GSG1L: variants seen among roughly 807,000 people sequenced by gnomAD.
GSG1L encodes the protein germ cell-specific gene 1-like protein.
GSG1L carries 24 observed loss-of-function variants against 42.1 expected under a neutral mutation model. That is an observed-to-expected ratio of 0.57 (90% CI 0.41 to 0.80). The LOEUF (loss-of-function observed/expected upper bound fraction) is 0.80. Among genes scored for constraint, GSG1L ranks in the 30% least tolerant of loss-of-function variants. The probability of loss-of-function intolerance (pLI) is 0.00; values close to 1 mark genes in which losing one functional copy is unlikely to be tolerated. For synonymous variants in GSG1L, 215 were observed against 203.5 expected (o/e 1.06, Z -0.48); for missense variants, 445 against 472.2 (o/e 0.94, Z 0.53).
chr16:27,879,481 G>GTC (rs2083925928), intron 3 of GSG1L, among the ~76,000 whole-genome samples: 1 of 152,174 alleles, frequency 6.6e-6, no homozygotes, highest in African/African-American at 2.4e-5. Flanking sequence ...TGGGCATGAT[G>GTC]TCACACACCT....
At chr16:27,829,055 CT>C in intron 4 of GSG1L, 99 bp from the exon 5 acceptor site, 4 of 1,174,952 alleles carry the variant, frequency 3.4e-6, no homozygotes, top group Admixed American at 2.2e-5. Flanking sequence ...GCATGGCTGC[CT>C]TTTCCTCTGG....
At chr16:27,950,159 T>A (rs992138179) in intron 2 of GSG1L, among the ~76,000 whole-genome samples, 1 of 152,208 alleles carries the variant, frequency 6.6e-6, no homozygotes, top group Non-Finnish European at 1.5e-5. Context: ...AGTTATATTA[T>A]CATTTCTCAT....
intron 6 of GSG1L, among the ~76,000 whole-genome samples, chr16:27,801,868 G>A (rs977556772): frequency 2.0e-5 from 3 of 152,172 alleles, no homozygotes; most frequent in African/African-American, 7.2e-5. Flanking sequence ...AAATGGGTCC[G>A]TATTTAGGGT....
intron 6 of GSG1L, among the ~76,000 whole-genome samples, chr16:27,803,561 C>A (rs1267663534): frequency 6.6e-6 from 1 of 151,956 alleles, no homozygotes; most frequent in African/African-American, 2.4e-5. Flanking sequence ...TCCAGGGAAA[C>A]ACAAACCAAG....
In GSG1L at chr16:27,789,806, G is replaced by A. The variant is rs2082732507; in HGVS notation, c.*1564C>T. The A allele has an allele frequency of 6.7e-6, 1 of 148,820 alleles. No homozygotes were observed. Among genetic ancestry groups the A allele is most frequent in the Admixed American group, 6.9e-5 (1 of 14,550 alleles). 9.2% of individuals were successfully genotyped at this position (148,820 alleles called of 1,614,324 possible). On this transcript the variant is annotated 3_prime_UTR_variant, in exon 7 of 7. Coordinates refer to ENST00000447459, the MANE Select transcript of GSG1L (RefSeq NM_001109763.2). ...TGAATGGATAGATAATGGATGGACAGATGATGGATGGATGGATGGGTGGAT... is the reference window on the plus strand; with the variant it reads ...TGAATGGATAGATAATGGATGGACAAATGATGGATGGATGGATGGGTGGAT...
At chr16:28,038,136 G>A (rs752348888) in intron 1 of GSG1L, among the ~76,000 whole-genome samples, 7 of 152,142 alleles carry the variant, frequency 4.6e-5, no homozygotes, top group Non-Finnish European at 7.4e-5. Flanking sequence ...GATAAATTTT[G>A]TTTTGTTGTT....
intron 2 of GSG1L, among the ~76,000 whole-genome samples, chr16:27,944,344 G>T (rs1253549109): frequency 6.6e-6 from 1 of 152,070 alleles, no homozygotes; most frequent in Non-Finnish European, 1.5e-5. Flanking sequence ...GGAATGGGCC[G>T]GGTGTGGTGG....
At chr16:27,868,035 G>A (rs2083754317) in intron 3 of GSG1L, among the ~76,000 whole-genome samples, 2 of 152,198 alleles carry the variant, frequency 1.3e-5, no homozygotes, top group South Asian at 2.1e-4. Flanking sequence ...AATTTTTATT[G>A]AACTTATTAA....
At chr16:27,961,391 A>ACATCCCAGAGGGCTGCACATCCCAGAGGG (rs1567536061) in intron 2 of GSG1L, among the ~76,000 whole-genome samples, 1 of 151,980 alleles carries the variant, frequency 6.6e-6, no homozygotes, top group African/African-American at 2.4e-5. Context: ...ATCCCAGAGG[A>ACATCCCAGAGGGCTGCACATCCCAGAGGG]CTGCACATCC....
At chr16:27,967,739 C>T (rs2085150932) in intron 1 of GSG1L, among the ~76,000 whole-genome samples, 1 of 152,106 alleles carries the variant, frequency 6.6e-6, no homozygotes, top group Non-Finnish European at 1.5e-5. Context: ...ACGGAGAAAC[C>T]CCATCTCTGA....
At chr16:27,915,204 C>A (rs973211313) in intron 2 of GSG1L, among the ~76,000 whole-genome samples, 3 of 136,100 alleles carry the variant, frequency 2.2e-5, no homozygotes, top group Admixed American at 7.1e-5. Flanking sequence ...TGTACACACA[C>A]ACACACACAC....
At chr16:27,933,148 G>T (rs1207647417) in intron 2 of GSG1L, among the ~76,000 whole-genome samples, 2 of 152,094 alleles carry the variant, frequency 1.3e-5, no homozygotes, top group Admixed American at 1.3e-4. Context: ...ATGGTTGCCA[G>T]TATGGAAGGG....
intron 6 of GSG1L, among the ~76,000 whole-genome samples, chr16:27,796,734 G>T (rs1262132394): frequency 1.3e-5 from 2 of 152,192 alleles, no homozygotes; most frequent in East Asian, 3.8e-4. Flanking sequence ...CATCCTCAGG[G>T]ATTCCACGTT....
chr16:27,886,951 CT>C lies in GSG1L; in HGVS notation c.398-2314del, dbSNP rs569919383. 4.3e-4 allele frequency among the ~76,000 whole-genome samples: 64 copies of C among 149,262 alleles called. No homozygotes were observed. The South Asian group carries it at 8.6e-3, about 20-fold the overall frequency. Reference sequence around the variant, plus strand: ...GTCTCTTTTCTTTCTCTCTTTCTTTCTTTTTTTTTTCTTTTTCTTTCTTAGA... The same window carrying C: ...GTCTCTTTTCTTTCTCTCTTTCTTTCTTTTTTTTTCTTTTTCTTTCTTAGA... On this transcript the variant is annotated intron_variant, in intron 2 of 6. Coordinates refer to ENST00000447459, the MANE Select transcript of GSG1L (RefSeq NM_001109763.2).
intron 3 of GSG1L, among the ~76,000 whole-genome samples, chr16:27,877,602 T>C (rs538454499): frequency 7.6e-4 from 115 of 152,228 alleles, no homozygotes; most frequent in African/African-American, 2.7e-3. Flanking sequence ...CCCAACCCTG[T>C]CCCTCAGCCC....
chr16:27,903,017 G>A (rs559527250), intron 2 of GSG1L, among the ~76,000 whole-genome samples: 6 of 152,176 alleles, frequency 3.9e-5, no homozygotes, highest in African/African-American at 1.4e-4. Context: ...CAGGCGAGCC[G>A]AGTGACCAGA....
At chr16:27,965,607 C>A (rs1055241104) in intron 1 of GSG1L, among the ~76,000 whole-genome samples, 1 of 152,154 alleles carries the variant, frequency 6.6e-6, no homozygotes, top group Non-Finnish European at 1.5e-5. Context: ...TCACTGCATC[C>A]CCAGCTAGTA....
chr16:28,055,350 G>T (rs1353253545), intron 1 of GSG1L, among the ~76,000 whole-genome samples: 1 of 151,948 alleles, frequency 6.6e-6, no homozygotes, highest in Non-Finnish European at 1.5e-5. Flanking sequence ...AGAGATGGGG[G>T]TCTTGCTATG....
At chr16:28,042,302 G>A (rs971809986) in intron 1 of GSG1L, among the ~76,000 whole-genome samples, 1 of 152,028 alleles carries the variant, frequency 6.6e-6, no homozygotes, top group African/African-American at 2.4e-5. Context: ...CGGGCGTGGT[G>A]GTGCACGCCT....
Sources: gnomAD v4.1 joint callset for allele counts (sites outside exome capture counted in the v4.1 genomes callset) on GRCh38, gnomAD v4.1.1 for gene constraint, MANE v1.5 for transcripts, NCBI Gene and HGNC (gene_info 2026-07-23, HGNC 2026-07-21) for gene names.